The following AGTRAP variants were observed in gnomAD, a reference collection of about 807,000 sequenced individuals.
AGTRAP encodes the protein type-1 angiotensin II receptor-associated protein.
In AGTRAP, 7 loss-of-function variants were observed where a neutral mutation model predicts 15.2. The ratio of observed to expected loss-of-function variants is 0.46; its 90% CI spans 0.26 to 0.87. AGTRAP has a LOEUF of 0.87. AGTRAP is among the 40% of genes least tolerant of loss of function. The pLI is 0.15. For missense variants in AGTRAP, 187 were observed against 213.4 expected (o/e 0.88, Z 0.77); for synonymous variants, 74 against 89.6 (o/e 0.83, Z 0.98).
chr1:11,736,284 A>G, intron 1 of AGTRAP, 49 bp downstream of exon 1: 1 of 1,589,056 alleles, frequency 6.3e-7, no homozygotes, highest in Non-Finnish European at 8.6e-7. Context: ...GAAGTGGGAC[A>G]TTTGCATTTT....
chr1:11,737,171 C>T (rs1641921159), intron 1 of AGTRAP, among the ~76,000 whole-genome samples: 1 of 152,234 alleles, frequency 6.6e-6, no homozygotes, highest in Non-Finnish European at 1.5e-5. Flanking sequence ...TATTACACAA[C>T]ATCTGTGCTA....
intron 4 of AGTRAP, 113 bp downstream of exon 4, chr1:11,748,723 C>T (rs1642236790): frequency 6.3e-6 from 8 of 1,277,606 alleles, no homozygotes; most frequent in Non-Finnish European, 7.5e-6. Flanking sequence ...GCTCAAGGTG[C>T]AGGGAGAGCG....
intron 1 of AGTRAP, among the ~76,000 whole-genome samples, chr1:11,738,016 T>C (rs1416554813): frequency 6.6e-6 from 1 of 152,228 alleles, no homozygotes; most frequent in Admixed American, 6.5e-5. Context: ...TCTCAGGCAA[T>C]ATGTGGGACA....
intron 1 of AGTRAP, among the ~76,000 whole-genome samples, chr1:11,736,722 A>G (rs1372972306): frequency 6.6e-6 from 1 of 152,248 alleles, no homozygotes; most frequent in Non-Finnish European, 1.5e-5. Context: ...TGGTTTTATA[A>G]AGTTTACACA....
Position 11,748,595 on chromosome 1 carries a change from C to T in AGTRAP, c.349C>T (p.Leu117Phe), listed in dbSNP as rs527269355. Residue 117 changes from leucine (L) to phenylalanine (F), a missense_variant, in exon 4 of 5, where the codon CTC (leucine) becomes TTC (phenylalanine). Coordinates refer to ENST00000314340, the MANE Select transcript of AGTRAP (RefSeq NM_020350.5). ...CATGTACCGGGAGCGCGGGGGTGAG[C>T]TCCTGGTCCACACTGGTGAGGCCAC... is the stretch of plus-strand genomic sequence containing the variant. ...YHMYRERGGE[L>F]LVHTGFLGSS... is the part of the protein sequence containing the mutation. 6.8e-6 allele frequency: 11 copies of T among 1,607,728 alleles called. 1 individual carries two copies. In the South Asian group the frequency reaches 8.8e-5, roughly 13 times the overall value.
chr1:11,736,206 G>T lies in AGTRAP; in HGVS notation c.-3G>T, dbSNP rs765841780. On this transcript the variant is annotated 5_prime_UTR_variant, in exon 1 of 5. Coordinates refer to ENST00000314340, the MANE Select transcript of AGTRAP (RefSeq NM_020350.5). ...GGCGCAGGTGCCCTCGGCCTGAGTC[G>T]GGATGGAGCTGCCTGCTGTGAACCT... is the stretch of plus-strand genomic sequence containing the variant. The T allele has an allele frequency of 4.4e-6, 7 of 1,606,126 alleles. No homozygotes were observed. The highest frequency in any genetic ancestry group is 5.9e-6 in the Non-Finnish European group (7 of 1,177,220).
chr1:11,741,116 C>T (rs1557701997), intron 1 of AGTRAP, among the ~76,000 whole-genome samples: 2 of 151,858 alleles, frequency 1.3e-5, no homozygotes, highest in African/African-American at 4.8e-5. Flanking sequence ...ACACTGGCTT[C>T]TGTTCAGTTT....
At chr1:11,741,646 C>G (rs1642032497) in intron 1 of AGTRAP, among the ~76,000 whole-genome samples, 1 of 152,220 alleles carries the variant, frequency 6.6e-6, no homozygotes, top group African/African-American at 2.4e-5. Context: ...GGCTCTGCCA[C>G]TGGCCTGCTC....
chr1:11,746,846 TC>T, intron 2 of AGTRAP, among the ~76,000 whole-genome samples: 1 of 152,248 alleles, frequency 6.6e-6, no homozygotes, highest in Non-Finnish European at 1.5e-5. Flanking sequence ...AATGTCAGTA[TC>T]AGTACCCTAA....
At chr1:11,746,300 C>T in intron 2 of AGTRAP, 4 of 1,283,420 alleles carry the variant, frequency 3.1e-6, no homozygotes, top group Non-Finnish European at 3.3e-6. Context: ...CTTAGTCACA[C>T]TTCCCCAAGA....
At chr1:11,736,294 T>C in intron 1 of AGTRAP, 59 bp downstream of exon 1, 3 of 1,581,802 alleles carry the variant, frequency 1.9e-6, no homozygotes, top group Non-Finnish European at 2.6e-6. Context: ...ATTTGCATTT[T>C]CCCGGAAGGT....
At chr1:11,749,001 T>C (rs1047843990) in intron 4 of AGTRAP, among the ~76,000 whole-genome samples, 2 of 152,180 alleles carry the variant, frequency 1.3e-5, no homozygotes, top group African/African-American at 4.8e-5. Context: ...TGGAACCCCA[T>C]TTCCTGCCAC....
intron 2 of AGTRAP, chr1:11,746,233 G>A (rs772504565): frequency 6.3e-7 from 1 of 1,596,580 alleles, no homozygotes; most frequent in South Asian, 1.1e-5. Context: ...TGTGAGTAAT[G>A]TGAACTGTAA....
rs1288944766 is a variant in AGTRAP, at chr1:11,745,553, G to T, written c.28-250G>T. The stretch of plus-strand genomic sequence containing the variant: ...CATACGCCTCTGACGCTTGGAAGGG[G>T]TGTGGGTGTCAGCTGCCCCATGGGA... On this transcript the variant is annotated intron_variant, in intron 1 of 4. Coordinates refer to ENST00000314340, the MANE Select transcript of AGTRAP (RefSeq NM_020350.5). This position sits in a 1 kb window ranked among gnomAD's most constrained non-coding sequence, Gnocchi z 4.2. Among the ~76,000 whole-genome samples the T allele has an allele frequency of 6.6e-6, 1 of 152,192 alleles. No homozygotes were observed. The highest frequency in any genetic ancestry group is 2.1e-4 in the South Asian group (1 of 4,836).
chr1:11,743,159 C>G (rs1642073093), intron 1 of AGTRAP, among the ~76,000 whole-genome samples: 1 of 152,220 alleles, frequency 6.6e-6, no homozygotes, highest in Admixed American at 6.5e-5. Flanking sequence ...TGGCCGAGCC[C>G]CGCTCATACA....
intron 1 of AGTRAP, among the ~76,000 whole-genome samples, chr1:11,743,942 G>A (rs1044898624): frequency 1.1e-4 from 17 of 152,124 alleles, no homozygotes; most frequent in African/African-American, 4.1e-4. Flanking sequence ...TTCCAGGAGA[G>A]GAGGCTGTCA....
chr1:11,748,678 C>A, intron 4 of AGTRAP, 68 bp downstream of exon 4: 5 of 1,539,800 alleles, frequency 3.2e-6, no homozygotes, highest in Non-Finnish European at 4.4e-6. Flanking sequence ...TCCAGCCTCT[C>A]CCTCAGTGAG....
chr1:11,741,973 C>T (rs1258401416), intron 1 of AGTRAP, among the ~76,000 whole-genome samples: 2 of 152,142 alleles, frequency 1.3e-5, no homozygotes, highest in African/African-American at 2.4e-5. Context: ...TTCTTTTGGG[C>T]CACAGAGCCA....
At position 11,736,173 on chromosome 1, in the gene AGTRAP, G is replaced by C. The variant is rs1641890074; in HGVS notation, c.-36G>C. ...CGAGTTCGGAGCCTAGGAGCCCCCC[G>C]CGGCTGCGGCGCAGGTGCCCTCGGC... is the stretch of plus-strand genomic sequence containing the variant. On this transcript the variant is annotated 5_prime_UTR_variant, in exon 1 of 5. Transcript: ENST00000314340. The C allele has an allele frequency of 6.3e-7, 1 of 1,591,122 alleles. No homozygotes were observed. Among genetic ancestry groups the C allele is most frequent in the East Asian group, 2.3e-5 (1 of 44,188 alleles).
Sources: gnomAD v4.1 joint callset for allele counts (sites outside exome capture counted in the v4.1 genomes callset) on GRCh38, gnomAD v4.1.1 for gene constraint, Gnocchi (gnomAD v3.1) non-coding constraint, MANE v1.5 for transcripts, NCBI Gene and HGNC (gene_info 2026-07-23, HGNC 2026-07-21) for gene names.